Variants in DNAH9 observed in about 807,000 individuals in gnomAD.
DNAH9 encodes the protein dynein axonemal heavy chain 9, also known as DNAH9 variant protein.
DNAH9 carries 345 observed loss-of-function variants against 471.6 expected under a neutral mutation model. The observed-to-expected ratio is 0.73, with a 90% CI of 0.67 to 0.80. DNAH9 has a LOEUF of 0.80. Among genes scored for constraint, DNAH9 ranks in the 30% least tolerant of loss-of-function variants. The pLI, the probability that DNAH9 is intolerant of heterozygous loss-of-function variation, is 0.00. For missense variants in DNAH9, 5,407 were observed against 5,609.2 expected (o/e 0.96, Z 1.15); for synonymous variants, 2,093 against 2,123.6 (o/e 0.99, Z 0.40).
In DNAH9 at chr17:11,932,180, A is replaced by G. The variant is rs1468665094; in HGVS notation, c.12272A>G (p.Tyr4091Cys). ...GDLTISVNVL[Y>C]NFLEANAKVP... ...CTCACTATCTCTGTGAATGTCCTCT[A>G]CAACTTCCTGGAGGCCAACGCAAAG... The change falls in exon 64 of 69, where the codon TAC becomes TGC. Residue 4091 changes from tyrosine to cysteine, a missense_variant. Coordinates refer to ENST00000262442, the MANE Select transcript of DNAH9 (RefSeq NM_001372.4). This position sits in a 1 kb window ranked among gnomAD's most constrained non-coding sequence, Gnocchi z 4.3. The G allele has an allele frequency of 1.2e-6, 2 of 1,614,102 alleles. No individual in the cohort carries two copies. Among genetic ancestry groups the G allele is most frequent in the East Asian group, 2.2e-5 (1 of 44,882 alleles).
chr17:11,680,414 C>T (rs2074114436), intron 18 of DNAH9, among the ~76,000 whole-genome samples: 1 of 152,158 alleles, frequency 6.6e-6, no homozygotes. Context: ...AAACATCTTC[C>T]TTTAAGAAAA....
intron 68 of DNAH9, among the ~76,000 whole-genome samples, chr17:11,966,261 T>C (rs1034627568): frequency 6.6e-6 from 1 of 152,182 alleles, no homozygotes. Context: ...GAGTAATAGC[T>C]GATTGCTCAT....
intron 51 of DNAH9, among the ~76,000 whole-genome samples, chr17:11,871,158 G>A (rs1022014695): frequency 2.0e-5 from 3 of 152,216 alleles, no homozygotes; most frequent in Non-Finnish European, 2.9e-5. Flanking sequence ...CTCCTCGCCC[G>A]CTGTGAATTA....
chr17:11,948,802 G>A (rs371209175), intron 67 of DNAH9, among the ~76,000 whole-genome samples: 27 of 152,114 alleles, frequency 1.8e-4, no homozygotes, highest in African/African-American at 5.8e-4. Context: ...AAAGCTCCTC[G>A]CCAAGAACAT....
chr17:11,705,425 T>C, intron 26 of DNAH9: 1 of 467,800 alleles, frequency 2.1e-6, no homozygotes, highest in Non-Finnish European at 3.9e-6. Flanking sequence ...TAAATGGTCA[T>C]ACACACCCGA....
intron 36 of DNAH9, among the ~76,000 whole-genome samples, chr17:11,767,568 A>C (rs1446182010): frequency 6.6e-6 from 1 of 152,060 alleles, no homozygotes; most frequent in Non-Finnish European, 1.5e-5. Flanking sequence ...CCTGCCCTCC[A>C]TGAATATTTC....
At chr17:11,801,456 G>A (rs1293638696) in intron 43 of DNAH9, among the ~76,000 whole-genome samples, 5 of 152,200 alleles carry the variant, frequency 3.3e-5, no homozygotes, top group South Asian at 4.1e-4. Flanking sequence ...TTGGGAGGCC[G>A]ATGCGGGTGG....
intron 27 of DNAH9, 136 bp downstream of exon 27, chr17:11,719,626 T>G: frequency 1.2e-6 from 1 of 816,558 alleles, no homozygotes; most frequent in Non-Finnish European, 1.9e-6. Flanking sequence ...AGGTCTCAGT[T>G]TGCTCCTTCG....
At chr17:11,930,947 T>TG (rs1409086048) in intron 63 of DNAH9, among the ~76,000 whole-genome samples, 12 of 152,220 alleles carry the variant, frequency 7.9e-5, no homozygotes, top group Admixed American at 7.9e-4. Flanking sequence ...GTTTCCATTA[T>TG]GGGGAATTTC....
chr17:11,704,336 C>A lies in DNAH9; in HGVS notation c.5285C>A (p.Thr1762Asn), dbSNP rs773683740. The A allele has an allele frequency of 1.9e-6, 3 of 1,614,178 alleles. No individual in the cohort carries two copies. The highest frequency in any genetic ancestry group is 3.3e-5 in the Admixed American group (2 of 60,026). Residue 1762 changes from threonine (T) to asparagine (N), a missense_variant, in exon 25 of 69, where the codon ACC (threonine) becomes AAC (asparagine). Physicochemically the swap from Thr to Asn is moderately conservative, Grantham distance 65. Transcript: ENST00000262442. ...GTGGCCCAGCTCAAAACCCTTATCA[C>A]CATGCTGATTGGCCAGCTCTCCAAG... The part of the protein sequence containing the change: ...KQVAQLKTLI[T>N]MLIGQLSKGD...
chr17:11,857,360 A>G (rs1971662248), intron 50 of DNAH9, among the ~76,000 whole-genome samples: 1 of 152,092 alleles, frequency 6.6e-6, no homozygotes, highest in Admixed American at 6.5e-5. Flanking sequence ...CTCCACTTAT[A>G]CACATCCCCG....
intron 44 of DNAH9, among the ~76,000 whole-genome samples, chr17:11,809,875 A>G (rs1173013020): frequency 6.6e-6 from 1 of 152,104 alleles, no homozygotes; most frequent in Non-Finnish European, 1.5e-5. Context: ...AGACAGATAA[A>G]TGGGGGACCA....
intron 67 of DNAH9, among the ~76,000 whole-genome samples, chr17:11,948,017 G>A (rs1157905551): frequency 2.0e-5 from 3 of 151,648 alleles, no homozygotes; most frequent in East Asian, 2.0e-4. Flanking sequence ...CACCCACCTC[G>A]GCCTCCCAAA....
chr17:11,947,615 T>G (rs1395320534), intron 67 of DNAH9, among the ~76,000 whole-genome samples: 1 of 152,110 alleles, frequency 6.6e-6, no homozygotes, highest in African/African-American at 2.4e-5. Context: ...AAAAGTTAAA[T>G]TCACCTGTTT....
At chr17:11,807,584 G>A in intron 43 of DNAH9, 148 bp from the exon 44 acceptor site, 2 of 864,038 alleles carry the variant, frequency 2.3e-6, no homozygotes, top group South Asian at 3.8e-5. Context: ...GTGAGGCCAG[G>A]TTTAGGGACA....
At chr17:11,707,287 C>G (rs901678595) in intron 26 of DNAH9, among the ~76,000 whole-genome samples, 1 of 152,164 alleles carries the variant, frequency 6.6e-6, no homozygotes, top group Admixed American at 6.5e-5. Context: ...GTTAAAATGA[C>G]CAGATAGAAT....
chr17:11,940,993 C>A (rs1413757193), intron 66 of DNAH9, among the ~76,000 whole-genome samples: 1 of 152,130 alleles, frequency 6.6e-6, no homozygotes. Flanking sequence ...TAAAAAATCA[C>A]GATGGCTCTA....
At chr17:11,810,505 G>T in intron 45 of DNAH9, 136 bp downstream of exon 45, 1 of 1,067,068 alleles carries the variant, frequency 9.4e-7, no homozygotes, top group Non-Finnish European at 1.3e-6. Flanking sequence ...GCCAAGGACT[G>T]GTTCATTGAG....
intron 39 of DNAH9, among the ~76,000 whole-genome samples, chr17:11,782,920 A>G (rs1469039706): frequency 1.3e-5 from 2 of 152,150 alleles, no homozygotes; most frequent in Non-Finnish European, 2.9e-5. Flanking sequence ...TTAAAAATAA[A>G]CTTGCATAAA....
Sources: gnomAD v4.1 joint callset for allele counts (sites outside exome capture counted in the v4.1 genomes callset) on GRCh38, gnomAD v4.1.1 for gene constraint, Gnocchi (gnomAD v3.1) non-coding constraint, MANE v1.5 for transcripts, NCBI Gene and HGNC (gene_info 2026-07-23, HGNC 2026-07-21) for gene names.